Variants in MGAT4C observed in about 807,000 individuals in gnomAD.
MGAT4C encodes the protein alpha-1,3-mannosyl-glycoprotein 4-beta-N-acetylglucosaminyltransferase C.
In MGAT4C, 19 loss-of-function variants were observed where a neutral mutation model predicts 40.1. That is an observed-to-expected ratio of 0.47 (90% confidence interval 0.33 to 0.70). The LOEUF (loss-of-function observed/expected upper bound fraction) is 0.70, where lower values mean the gene tolerates loss of function less well. Among genes scored for constraint, MGAT4C ranks in the 30% least tolerant of loss-of-function variants. MGAT4C has a pLI of 0.02. For synonymous variants in MGAT4C, 181 were observed against 187.1 expected (o/e 0.97, Z 0.27); for missense variants, 491 against 563.2 (o/e 0.87, Z 1.30).
intron 4 of MGAT4C, among the ~76,000 whole-genome samples, chr12:86,320,260 A>G (rs1592693040): frequency 6.6e-6 from 1 of 152,292 alleles, no homozygotes; most frequent in South Asian, 2.1e-4. Flanking sequence ...AAGGTTTGCA[A>G]CAGCCAGTAA....
chr12:86,555,824 A>G (rs2136402113), intron 2 of MGAT4C, among the ~76,000 whole-genome samples: 1 of 152,266 alleles, frequency 6.6e-6, no homozygotes, highest in Admixed American at 6.5e-5. Context: ...CGCAGCCTCC[A>G]CACTCATGAT....
chr12:86,626,513 A>T (rs1252773410), intron 2 of MGAT4C, among the ~76,000 whole-genome samples: 4 of 152,148 alleles, frequency 2.6e-5, no homozygotes, highest in Non-Finnish European at 5.9e-5. Flanking sequence ...TTAAAGAGAA[A>T]GTTACTCTAT....
intron 2 of MGAT4C, among the ~76,000 whole-genome samples, chr12:86,651,414 G>A (rs1210414240): frequency 6.6e-6 from 1 of 151,798 alleles, no homozygotes; most frequent in African/African-American, 2.4e-5. Context: ...TTTCAAATTA[G>A]AAGTTTTGTC....
chr12:86,290,846 GTA>G (rs1566262905), intron 4 of MGAT4C, among the ~76,000 whole-genome samples: 2 of 152,076 alleles, frequency 1.3e-5, no homozygotes, highest in African/African-American at 4.8e-5. Flanking sequence ...CATTCTTGCG[GTA>G]TGTTACTATT....
intron 1 of MGAT4C, among the ~76,000 whole-genome samples, chr12:86,133,705 A>G (rs1406178079): frequency 6.6e-6 from 1 of 152,154 alleles, no homozygotes; most frequent in Non-Finnish European, 1.5e-5. Context: ...GCAATTTACA[A>G]TGAAAAACAG....
At chr12:86,510,555 G>A (rs923202650) in intron 2 of MGAT4C, among the ~76,000 whole-genome samples, 2 of 152,218 alleles carry the variant, frequency 1.3e-5, no homozygotes, top group African/African-American at 4.8e-5. Context: ...CAAATTGGAT[G>A]AAGAGTCAAG....
intron 2 of MGAT4C, among the ~76,000 whole-genome samples, chr12:86,708,730 T>C (rs950340691): frequency 6.6e-6 from 1 of 152,194 alleles, no homozygotes; most frequent in African/African-American, 2.4e-5. Context: ...GAGATCATTT[T>C]GGAGCCTAAA....
intron 1 of MGAT4C, among the ~76,000 whole-genome samples, chr12:86,781,915 ATTG>A (rs1401125014): frequency 1.8e-5 from 2 of 111,882 alleles, no homozygotes; most frequent in Admixed American, 2.2e-4. Flanking sequence ...TAAAAACAGA[ATTG>A]TTTTTTCTAT....
intron 2 of MGAT4C, among the ~76,000 whole-genome samples, chr12:86,526,637 C>T (rs888639731): frequency 6.6e-6 from 1 of 152,138 alleles, no homozygotes; most frequent in African/African-American, 2.4e-5. Flanking sequence ...GGCTAACTGA[C>T]CTCACCTATG....
At chr12:86,110,298 C>CTATATATATAT (rs1565996123) in intron 1 of MGAT4C, among the ~76,000 whole-genome samples, 1 of 15,708 alleles carries the variant, frequency 6.4e-5, no homozygotes, top group Non-Finnish European at 1.0e-4. Flanking sequence ...TATATAGTCT[C>CTATATATATAT]TCTATATATA....
Position 86,517,842 on chromosome 12 carries a change from G to T in MGAT4C, c.-228-82577C>A, listed in dbSNP as rs191746258. ...GTTTTTGTATTTTTAGTAGTAACGG[G>T]GTTTCACCGTATTAGCCAGATGGTC... On this transcript the variant is annotated intron_variant, in intron 2 of 7. Transcript: ENST00000548651. Among the ~76,000 whole-genome samples, 238 of 152,188 alleles carry T rather than the reference G, an allele frequency of 1.6e-3. 1 individual carries two copies. Among genetic ancestry groups the T allele is most frequent in the African/African-American group, 5.5e-3 (229 of 41,524 alleles).
intron 1 of MGAT4C, among the ~76,000 whole-genome samples, chr12:86,787,276 A>AGATAAT (rs1188429956): frequency 1.3e-5 from 2 of 152,122 alleles, no homozygotes; most frequent in African/African-American, 4.8e-5. Flanking sequence ...ATCTCACTTA[A>AGATAAT]GATAATGACA....
chr12:86,592,787 G>T (rs531436505), intron 2 of MGAT4C, among the ~76,000 whole-genome samples: 1 of 152,180 alleles, frequency 6.6e-6, no homozygotes, highest in Non-Finnish European at 1.5e-5. Flanking sequence ...TCCAATTATT[G>T]TGTAGTCTCT....
intron 2 of MGAT4C, among the ~76,000 whole-genome samples, chr12:86,544,925 T>C (rs1299902795): frequency 1.3e-5 from 2 of 152,116 alleles, no homozygotes; most frequent in African/African-American, 2.4e-5. Context: ...ATGTTCACCA[T>C]GCAACTCTTT....
chr12:86,773,120 G>A (rs1412901482), intron 1 of MGAT4C, among the ~76,000 whole-genome samples: 1 of 152,138 alleles, frequency 6.6e-6, no homozygotes, highest in Non-Finnish European at 1.5e-5. Context: ...ACCACAGAAT[G>A]TGACTATATT....
chr12:86,060,410 T>C (rs1255798653), intron 1 of MGAT4C, among the ~76,000 whole-genome samples: 1 of 152,216 alleles, frequency 6.6e-6, no homozygotes, highest in Admixed American at 6.5e-5. Flanking sequence ...TGTTTAATTA[T>C]GCAAAATGCC....
intron 4 of MGAT4C, among the ~76,000 whole-genome samples, chr12:86,266,784 AT>A (rs1056389431): frequency 6.5e-4 from 96 of 147,124 alleles, no homozygotes; most frequent in East Asian, 1.8e-3. Flanking sequence ...TTGTTGAAAG[AT>A]TTTTTTTTTT....
intron 1 of MGAT4C, among the ~76,000 whole-genome samples, chr12:86,178,225 T>C (rs1020076262): frequency 5.9e-5 from 9 of 152,232 alleles, no homozygotes; most frequent in Admixed American, 1.3e-4. Flanking sequence ...CATGAGCTAC[T>C]GCGCCTGGCT....
intron 1 of MGAT4C, among the ~76,000 whole-genome samples, chr12:86,772,828 C>T (rs1400478896): frequency 6.6e-6 from 1 of 152,156 alleles, no homozygotes; most frequent in African/African-American, 2.4e-5. Flanking sequence ...TCAAAGAAGA[C>T]AACTTGTCTG....
Sources: allele counts gnomAD v4.1 joint callset (sites outside exome capture counted in the v4.1 genomes callset), GRCh38; gene constraint gnomAD v4.1.1; transcripts MANE v1.5; gene names NCBI Gene and HGNC (gene_info 2026-07-23, HGNC 2026-07-21).